Variants in STK32B observed in about 807,000 individuals in gnomAD.
The protein encoded by STK32B is serine/threonine-protein kinase 32B.
STK32B carries 43 observed loss-of-function variants against 52.6 expected under a neutral mutation model. The observed-to-expected ratio is 0.82, with a 90% CI of 0.64 to 1.05. The LOEUF (loss-of-function observed/expected upper bound fraction) is 1.05. Ranked by LOEUF, STK32B falls within the 50% of genes least tolerant of loss-of-function variation. The pLI is 0.00. For missense variants in STK32B, 621 were observed against 534.6 expected (o/e 1.16, Z -1.59); for synonymous variants, 238 against 204.3 (o/e 1.17, Z -1.41).
At chr4:5,349,084 G>A (rs2108982622) in intron 4 of STK32B, among the ~76,000 whole-genome samples, 1 of 112,034 alleles carries the variant, frequency 8.9e-6, no homozygotes, top group South Asian at 2.7e-4. Context: ...TTCATGTCAT[G>A]CCTGCTACTC....
chr4:5,289,434 A>G lies in STK32B; in HGVS notation c.261-41786A>G, dbSNP rs1168958382. Among the ~76,000 whole-genome samples the G allele has an allele frequency of 2.6e-5, 4 of 152,150 alleles. No individual in the cohort carries two copies. In the East Asian group the frequency reaches 7.7e-4, roughly 29 times the overall value. On this transcript the variant is annotated intron_variant, in intron 3 of 11. Transcript: ENST00000282908. ...TGTAAACACTGTACACTTAGGCTAC[A>G]CTAAATTTATTTTATTCTTTTTTTT...
At chr4:5,043,864 C>T in the STK32B span, among the ~76,000 whole-genome samples, 1 of 152,234 alleles carries the variant, frequency 6.6e-6, no homozygotes, top group African/African-American at 2.4e-5. Context: ...GGGCTCCCAG[C>T]CCAGTGTCTG....
At chr4:5,067,402 G>A (rs953545601) in intron 1 of STK32B, among the ~76,000 whole-genome samples, 41 of 152,180 alleles carry the variant, frequency 2.7e-4, no homozygotes, top group African/African-American at 9.7e-4. Flanking sequence ...GATGGGGTCT[G>A]TGGCTCTTGA....
chr4:5,425,072 A>T lies in STK32B; in HGVS notation c.562+8138A>T, dbSNP rs1231702292. Among the ~76,000 whole-genome samples the T allele has an allele frequency of 3.3e-5, 5 of 152,358 alleles. No homozygotes were observed. The South Asian group carries it at 1.0e-3, about 32-fold the overall frequency. On this transcript the variant is annotated intron_variant, in intron 6 of 11. Transcript: ENST00000282908. ...AGCTGTTCACCCCGCCACAGCCAGG[A>T]TGCCTAGCTGTGTGCAGTGGCCGGA... is the stretch of plus-strand genomic sequence containing the variant.
chr4:5,179,660 A>G (rs73212012), intron 3 of STK32B, among the ~76,000 whole-genome samples: 28,575 of 152,168 alleles, frequency 0.19, 3,385 homozygotes, highest in East Asian at 0.31. Flanking sequence ...TAAAAGGAGA[A>G]AGGTCACCAG....
chr4:5,056,070 C>T (rs965122592), intron 1 of STK32B, among the ~76,000 whole-genome samples: 1 of 152,092 alleles, frequency 6.6e-6, no homozygotes, highest in African/African-American at 2.4e-5. Flanking sequence ...GCATTAATGC[C>T]TGAGTTCTGC....
At chr4:5,104,620 T>C (rs1714000141) in intron 1 of STK32B, among the ~76,000 whole-genome samples, 1 of 152,214 alleles carries the variant, frequency 6.6e-6, no homozygotes, top group African/African-American at 2.4e-5. Flanking sequence ...ATACATGTAA[T>C]CAGCAGCCAA....
At chr4:5,492,370 G>T (rs977382556) in intron 11 of STK32B, among the ~76,000 whole-genome samples, 47 of 151,524 alleles carry the variant, frequency 3.1e-4, no homozygotes, top group Non-Finnish European at 5.6e-4. Flanking sequence ...TCATGATTTG[G>T]CTGTTTGTCT....
At chr4:5,136,230 G>A (rs1292029808) in intron 1 of STK32B, among the ~76,000 whole-genome samples, 3 of 152,338 alleles carry the variant, frequency 2.0e-5, no homozygotes, top group Middle Eastern at 3.4e-3. Context: ...AAATAATGCC[G>A]CCAATGTGTT....
At chr4:5,269,595 A>T (rs898897122) in intron 3 of STK32B, among the ~76,000 whole-genome samples, 2 of 152,242 alleles carry the variant, frequency 1.3e-5, no homozygotes, top group African/African-American at 2.4e-5. Context: ...TGGTTATTAT[A>T]ACTGTATTCC....
intron 1 of STK32B, among the ~76,000 whole-genome samples, chr4:5,093,456 G>T (rs11940607): frequency 1.3e-5 from 2 of 151,962 alleles, no homozygotes; most frequent in East Asian, 3.9e-4. Context: ...AGCAACTATC[G>T]CAAGGACAAA....
chr4:5,182,466 T>G (rs1356421681), intron 3 of STK32B, among the ~76,000 whole-genome samples: 1 of 151,950 alleles, frequency 6.6e-6, no homozygotes, highest in African/African-American at 2.4e-5. Flanking sequence ...TTTTTTCCTT[T>G]TTTTTTGTTT....
rs114494858 is a variant in STK32B, at chr4:5,200,435, G to A, written c.260+31985G>A. ...GTGACTCTATTTTTAAAATGGTGTT[G>A]AAAGTCCCCAATGTTGTTTGCCAGG... On this transcript the variant is annotated intron_variant, in intron 3 of 11. Coordinates refer to ENST00000282908, the MANE Select transcript of STK32B (RefSeq NM_018401.3). 7.0e-3 allele frequency among the ~76,000 whole-genome samples: 1,064 copies of A among 152,214 alleles called. 10 individuals are homozygous for A. The highest frequency in any genetic ancestry group is 0.024 in the African/African-American group (986 of 41,526).
chr4:5,428,059 C>T (rs187478722), intron 6 of STK32B, among the ~76,000 whole-genome samples: 1 of 152,058 alleles, frequency 6.6e-6, no homozygotes, highest in East Asian at 1.9e-4. Flanking sequence ...TTAAGTCCAG[C>T]TTCAGCTGTA....
chr4:5,317,125 TATA>T (rs1313952170), intron 3 of STK32B, among the ~76,000 whole-genome samples: 1 of 51,412 alleles, frequency 1.9e-5, no homozygotes, highest in African/African-American at 1.7e-4. Flanking sequence ...TATAATACAT[TATA>T]ATATATAATA....
At chr4:5,319,264 C>T (rs1268856661) in intron 3 of STK32B, among the ~76,000 whole-genome samples, 2 of 152,142 alleles carry the variant, frequency 1.3e-5, no homozygotes, top group African/African-American at 4.8e-5. Flanking sequence ...TAGGACTTTG[C>T]CTCCAGAGCC....
chr4:5,305,338 A>G (rs141908637), intron 3 of STK32B, among the ~76,000 whole-genome samples: 41 of 152,092 alleles, frequency 2.7e-4, no homozygotes, highest in African/African-American at 9.6e-4. Flanking sequence ...TTTCCTTGGT[A>G]ACTTTTTAAT....
the STK32B span, among the ~76,000 whole-genome samples, chr4:5,044,511 T>C: frequency 6.6e-6 from 1 of 152,136 alleles, no homozygotes; most frequent in Admixed American, 6.5e-5. Context: ...ATCCTTCCAG[T>C]TGTTCAAGCC....
intron 6 of STK32B, among the ~76,000 whole-genome samples, chr4:5,443,631 C>A (rs1715015759): frequency 6.6e-6 from 1 of 152,200 alleles, no homozygotes; most frequent in Admixed American, 6.5e-5. Context: ...CAGCTTTGTT[C>A]CGTTGCTGGT....
Sources: allele counts gnomAD v4.1 joint callset (sites outside exome capture counted in the v4.1 genomes callset), GRCh38; gene constraint gnomAD v4.1.1; transcripts MANE v1.5; gene names NCBI Gene and HGNC (gene_info 2026-07-23, HGNC 2026-07-21).